Variants in SNX25 observed in about 807,000 individuals in gnomAD.
The protein encoded by SNX25 is sorting nexin-25.
A neutral mutation model predicts 113.7 loss-of-function variants in SNX25; 62 were observed. The observed-to-expected ratio is 0.55, with a 90% CI of 0.44 to 0.67. The LOEUF is 0.67. Among genes scored for constraint, SNX25 ranks in the 30% least tolerant of loss-of-function variants. The pLI, the probability that SNX25 is intolerant of heterozygous loss-of-function variation, is 0.00. For missense variants in SNX25, 1,014 were observed against 1,161.0 expected (o/e 0.87, Z 1.84); for synonymous variants, 421 against 436.2 (o/e 0.97, Z 0.43).
chr4:185,239,263 CTTG>C (rs779775783), intron 1 of SNX25, among the ~76,000 whole-genome samples: 2 of 151,212 alleles, frequency 1.3e-5, no homozygotes, highest in East Asian at 3.9e-4. Flanking sequence ...GGGCAGATCA[CTTG>C]AGGTCAGGAG....
intron 6 of SNX25, among the ~76,000 whole-genome samples, chr4:185,304,543 G>T (rs1439255604): frequency 1.3e-5 from 2 of 152,132 alleles, no homozygotes; most frequent in African/African-American, 4.8e-5. Context: ...TTTTAGTAGA[G>T]AAGGGGTTTC....
At chr4:185,241,000 A>G (rs1397407717) in intron 1 of SNX25, among the ~76,000 whole-genome samples, 1 of 136,354 alleles carries the variant, frequency 7.3e-6, no homozygotes, top group East Asian at 2.3e-4. Context: ...CAGACTGGGC[A>G]GCCAGGCAGA....
intron 1 of SNX25, among the ~76,000 whole-genome samples, chr4:185,213,850 G>A (rs1738328291): frequency 6.6e-6 from 1 of 152,050 alleles, no homozygotes; most frequent in Admixed American, 6.6e-5. Context: ...TGGTAAGAAG[G>A]TAAAAGAGAA....
intron 7 of SNX25, among the ~76,000 whole-genome samples, chr4:185,317,826 C>A (rs992465529): frequency 6.6e-6 from 1 of 152,024 alleles, no homozygotes; most frequent in African/African-American, 2.4e-5. Flanking sequence ...AGAACAAATA[C>A]CTAATGCATG....
intron 1 of SNX25, among the ~76,000 whole-genome samples, chr4:185,224,453 ATAT>A (rs1740551662): frequency 1.5e-4 from 4 of 25,892 alleles, no homozygotes; most frequent in African/African-American, 3.1e-4. Context: ...ATAAATATAT[ATAT>A]AGATATATAA....
chr4:185,206,096 T>C (rs550900327), upstream of SNX25, among the ~76,000 whole-genome samples: 7 of 152,288 alleles, frequency 4.6e-5, no homozygotes, highest in South Asian at 1.5e-3. Context: ...TGGAAAATAG[T>C]ATGGCATGTT....
intron 1 of SNX25, among the ~76,000 whole-genome samples, chr4:185,224,525 AT>A (rs1377214657): frequency 1.9e-5 from 2 of 103,684 alleles, no homozygotes; most frequent in Non-Finnish European, 4.3e-5. Context: ...ATAAATATAT[AT>A]ACATATATAT....
At position 185,241,525 on chromosome 4, in the gene SNX25, AG is replaced by A. The variant is rs1744029986; in HGVS notation, c.430-5767del. Among the ~76,000 whole-genome samples, 2 of 29,712 alleles carry A rather than the reference AG, an allele frequency of 6.7e-5. 1 individual carries two copies. The highest frequency in any genetic ancestry group is 1.7e-4 in the Non-Finnish European group (2 of 11,800). 19.5% of individuals were successfully genotyped at this position (29,712 alleles called of 152,430 possible). A position where few individuals can be genotyped will look rare whatever the true frequency, so the allele number is the denominator to read the frequency against. On this transcript the variant is annotated intron_variant, in intron 1 of 18. Coordinates refer to ENST00000652585, the MANE Select transcript of SNX25 (RefSeq NM_001378034.2). ...AGACCGTGGGGAGAGGGAGAGGGAG[AG>A]GAGGGAGAGGGAGAGGAGGGAGAGG...
upstream of SNX25, chr4:185,209,574 C>T (rs942421305): frequency 1.4e-5 from 4 of 278,044 alleles, no homozygotes; most frequent in Admixed American, 6.5e-5. This position sits in a 1 kb window ranked among gnomAD's most constrained non-coding sequence, Gnocchi z 5.2. Context: ...CCCCGCCCCG[C>T]CCGCGTCAGG....
intron 6 of SNX25, among the ~76,000 whole-genome samples, chr4:185,302,038 T>C (rs1388981129): frequency 2.0e-5 from 3 of 151,796 alleles, no homozygotes; most frequent in Non-Finnish European, 4.4e-5. Flanking sequence ...TAGCTGGGAT[T>C]ACAGGTGCCC....
Position 185,300,840 on chromosome 4 carries a change from G to GACACAC in SNX25, c.1163-9765_1163-9760dup, listed in dbSNP as rs58762122. 8.4e-3 allele frequency among the ~76,000 whole-genome samples: 1,176 copies of GACACAC among 140,782 alleles called. 7 individuals carry two copies. The highest frequency in any genetic ancestry group is 0.014 in the Middle Eastern group (4 of 276). The allele number at this position is 140,782 out of a possible 152,430, so 92.4% of individuals were successfully genotyped here. A position where few individuals can be genotyped will look rare whatever the true frequency, so the allele number is the denominator to read the frequency against. On this transcript the variant is annotated intron_variant, in intron 6 of 18. Coordinates refer to ENST00000652585, the MANE Select transcript of SNX25 (RefSeq NM_001378034.2). ...ATGCCTGTGGTATTATGATTATTAT[G>GACACAC]ACACACACACACACACACACACACA...
At chr4:185,238,289 G>A (rs192432659) in intron 1 of SNX25, among the ~76,000 whole-genome samples, 1 of 152,086 alleles carries the variant, frequency 6.6e-6, no homozygotes, top group Non-Finnish European at 1.5e-5. Context: ...GAGCCCGCCT[G>A]CCATGGGAGC....
chr4:185,376,300 G>A, the SNX25 span, among the ~76,000 whole-genome samples: 11 of 151,918 alleles, frequency 7.2e-5, no homozygotes, highest in African/African-American at 2.4e-4. Flanking sequence ...TTTTTTGAGA[G>A]GGAGTCTCGC....
the SNX25 span, chr4:185,377,089 T>C: frequency 3.6e-6 from 4 of 1,098,198 alleles, no homozygotes; most frequent in Non-Finnish European, 2.8e-6. Flanking sequence ...TAATGAATCA[T>C]ATAAAATCCA....
intron 6 of SNX25, among the ~76,000 whole-genome samples, chr4:185,295,391 T>C (rs2126629425): frequency 6.6e-6 from 1 of 151,890 alleles, no homozygotes; most frequent in East Asian, 1.9e-4. Context: ...GAATGTAGTA[T>C]ACATTAATAC....
intron 7 of SNX25, among the ~76,000 whole-genome samples, chr4:185,315,926 T>C (rs2126675188): frequency 6.6e-6 from 1 of 152,362 alleles, no homozygotes; most frequent in Admixed American, 6.5e-5. Context: ...ATGGAATATT[T>C]ATTTTTTAAA....
At chr4:185,324,863 T>G (rs1358050344) in intron 9 of SNX25, among the ~76,000 whole-genome samples, 2 of 152,170 alleles carry the variant, frequency 1.3e-5, no homozygotes, top group African/African-American at 4.8e-5. Context: ...ACGGAGAGTT[T>G]TCTGGTCTTG....
chr4:185,323,360 TA>T (rs1178365717), intron 8 of SNX25, among the ~76,000 whole-genome samples, 167 bp from the exon 9 acceptor site: 2 of 152,136 alleles, frequency 1.3e-5, no homozygotes, highest in African/African-American at 4.8e-5. Flanking sequence ...TTTTTTTTTT[TA>T]GGATCTGACA....
At chr4:185,357,294 G>T (rs2095343480) in intron 15 of SNX25, among the ~76,000 whole-genome samples, 2 of 152,214 alleles carry the variant, frequency 1.3e-5, no homozygotes, top group Admixed American at 1.3e-4. Flanking sequence ...ATTCAGCAGT[G>T]TGTTCAAAAA....
Sources: allele counts gnomAD v4.1 joint callset (sites outside exome capture counted in the v4.1 genomes callset), GRCh38; gene constraint gnomAD v4.1.1; non-coding constraint Gnocchi (gnomAD v3.1); transcripts MANE v1.5; gene names NCBI Gene and HGNC (gene_info 2026-07-23, HGNC 2026-07-21).